The following LRRC69 variants were observed in gnomAD, a reference collection of about 807,000 sequenced individuals.
LRRC69 encodes the protein leucine-rich repeat-containing protein 69.
In LRRC69, 42 loss-of-function variants were observed where a neutral mutation model predicts 37.8. The ratio of observed to expected loss-of-function variants is 1.11; its 90% confidence interval spans 0.87 to 1.44. The LOEUF is 1.44. LRRC69 is among the 40% of genes most tolerant of loss of function. LRRC69 has a pLI of 0.00. For missense variants in LRRC69, 357 were observed against 401.9 expected (o/e 0.89, Z 0.96); for synonymous variants, 141 against 143.1 (o/e 0.99, Z 0.11).
At chr8:91,139,738 C>T (rs1808499802) in intron 5 of LRRC69, among the ~76,000 whole-genome samples, 1 of 151,788 alleles carries the variant, frequency 6.6e-6, no homozygotes, top group Admixed American at 6.6e-5. Context: ...TCACACGATA[C>T]TATGTCTGGA....
At chr8:91,207,495 T>C (rs1246421624) in intron 7 of LRRC69, among the ~76,000 whole-genome samples, 1 of 152,188 alleles carries the variant, frequency 6.6e-6, no homozygotes, top group African/African-American at 2.4e-5. Flanking sequence ...GAAGAAGGCA[T>C]CTCCAGTAAA....
intron 5 of LRRC69, among the ~76,000 whole-genome samples, chr8:91,155,261 A>C (rs910928913): frequency 2.0e-5 from 3 of 151,126 alleles, no homozygotes; most frequent in African/African-American, 7.3e-5. Context: ...CTTTATGAAA[A>C]GTATTTATTT....
intron 5 of LRRC69, among the ~76,000 whole-genome samples, chr8:91,141,764 T>C (rs1808537143): frequency 6.6e-6 from 1 of 152,062 alleles, no homozygotes; most frequent in Admixed American, 6.6e-5. Flanking sequence ...TCAAAGAAAC[T>C]GGCATGAATT....
intron 5 of LRRC69, among the ~76,000 whole-genome samples, chr8:91,146,487 G>A (rs1462446212): frequency 6.6e-6 from 1 of 151,592 alleles, no homozygotes; most frequent in Non-Finnish European, 1.5e-5. Flanking sequence ...GAAATCAAAT[G>A]TGGCTCTTGT....
At chr8:91,160,151 G>C (rs116871609) in intron 5 of LRRC69, among the ~76,000 whole-genome samples, 7,740 of 150,754 alleles carry the variant, frequency 0.051, 278 homozygotes, top group Middle Eastern at 0.16. Context: ...TGTAGCTACT[G>C]TAAATGGGAT....
chr8:91,154,946 G>C (rs1287745889), intron 5 of LRRC69, among the ~76,000 whole-genome samples: 2 of 151,670 alleles, frequency 1.3e-5, no homozygotes, highest in East Asian at 3.9e-4. Context: ...TCTGTTTGCA[G>C]ATGACACGAT....
chr8:91,108,015 A>G (rs1813348658), intron 1 of LRRC69, among the ~76,000 whole-genome samples: 1 of 152,076 alleles, frequency 6.6e-6, no homozygotes, highest in Non-Finnish European at 1.5e-5. Context: ...CACAGGTAAA[A>G]CAAATAGCCA....
intron 5 of LRRC69, among the ~76,000 whole-genome samples, chr8:91,155,162 A>G (rs987557933): frequency 2.6e-5 from 4 of 151,220 alleles, no homozygotes; most frequent in African/African-American, 9.7e-5. Flanking sequence ...GAATACAGCT[A>G]ACAAAGGATG....
intron 7 of LRRC69, among the ~76,000 whole-genome samples, chr8:91,211,682 A>G (rs565634951): frequency 6.1e-5 from 9 of 148,004 alleles, no homozygotes; most frequent in South Asian, 2.1e-4. Flanking sequence ...TTTGTTAATT[A>G]TCTCTTCAGA....
At chr8:91,151,153 C>T (rs1044556252) in intron 5 of LRRC69, among the ~76,000 whole-genome samples, 3 of 151,786 alleles carry the variant, frequency 2.0e-5, no homozygotes, top group Non-Finnish European at 2.9e-5. Context: ...GCTCTTGCTT[C>T]TCTAGTTCTT....
chr8:91,138,671 A>G (rs1267798323), intron 5 of LRRC69: 6 of 151,950 alleles, frequency 3.9e-5, no homozygotes, highest in Non-Finnish European at 7.3e-5. Context: ...ACTATTATAA[A>G]TATTTGTTCA....
chr8:91,110,049 A>G (rs1813383025), intron 1 of LRRC69, among the ~76,000 whole-genome samples: 1 of 152,030 alleles, frequency 6.6e-6, no homozygotes, highest in Non-Finnish European at 1.5e-5. Flanking sequence ...TAATTCAAAA[A>G]TGTAAAATCG....
chr8:91,157,365 T>C, intron 5 of LRRC69: 1 of 1,608,294 alleles, frequency 6.2e-7, no homozygotes, highest in South Asian at 1.1e-5. Flanking sequence ...TAGGACCCAC[T>C]AATGCAGATC....
At chr8:91,200,521 G>A in intron 6 of LRRC69, 92 bp from the exon 7 acceptor site, 1 of 777,196 alleles carries the variant, frequency 1.3e-6, no homozygotes, top group Non-Finnish European at 1.9e-6. Context: ...TAGATAATAA[G>A]CCATACACTT....
intron 5 of LRRC69, among the ~76,000 whole-genome samples, chr8:91,175,401 T>C (rs1809206449): frequency 6.6e-6 from 1 of 152,240 alleles, no homozygotes; most frequent in Non-Finnish European, 1.5e-5. Flanking sequence ...AACGTGCACA[T>C]AGCCCACTGT....
intron 2 of LRRC69, among the ~76,000 whole-genome samples, chr8:91,125,880 A>G (rs1301794490): frequency 6.6e-6 from 1 of 151,766 alleles, no homozygotes; most frequent in Non-Finnish European, 1.5e-5. Context: ...AAAAATAATT[A>G]TTTTTTTAAT....
chr8:91,155,807 G>A (rs10109304), intron 5 of LRRC69, among the ~76,000 whole-genome samples: 100,986 of 149,606 alleles, frequency 0.68, 34,547 homozygotes, highest in Middle Eastern at 0.74. Flanking sequence ...TGCCTCGAAT[G>A]ACAGGATTTC....
intron 5 of LRRC69, among the ~76,000 whole-genome samples, chr8:91,156,357 C>G (rs1484369859): frequency 6.6e-6 from 1 of 150,904 alleles, no homozygotes; most frequent in African/African-American, 2.4e-5. Context: ...ACTTGTTGGC[C>G]ATTTGTGTGT....
intron 1 of LRRC69, among the ~76,000 whole-genome samples, chr8:91,121,444 C>A (rs1034345344): frequency 1.8e-4 from 27 of 152,008 alleles, no homozygotes; most frequent in African/African-American, 5.3e-4. Flanking sequence ...GTTCCTCTAC[C>A]TGCAGTGCTC....
Sources: gnomAD v4.1 joint callset for allele counts (sites outside exome capture counted in the v4.1 genomes callset) on GRCh38, gnomAD v4.1.1 for gene constraint, MANE v1.5 for transcripts, NCBI Gene and HGNC (gene_info 2026-07-23, HGNC 2026-07-21) for gene names.